Variants in ZNF717 observed in about 807,000 individuals in gnomAD.
The protein encoded by ZNF717 is zinc finger protein 717, also known as krueppel-like factor X17.
ZNF717 carries 9 observed loss-of-function variants against 13.8 expected under a neutral mutation model. That is an observed-to-expected ratio of 0.65 (90% CI 0.39 to 1.14). ZNF717 has a LOEUF of 1.14. Ranked by LOEUF, ZNF717 falls within the 50% of genes most tolerant of loss-of-function variation. The pLI, the probability that ZNF717 is intolerant of heterozygous loss-of-function variation, is 0.01. For synonymous variants in ZNF717, 327 were observed against 364.1 expected (o/e 0.90, Z 1.16); for missense variants, 1,040 against 1,080.7 (o/e 0.96, Z 0.53).
intron 6 of ZNF717, among the ~76,000 whole-genome samples, chr3:75,696,397 A>G (rs1241947275): frequency 6.6e-6 from 1 of 152,310 alleles, no homozygotes; most frequent in Non-Finnish European, 1.5e-5. Flanking sequence ...TATTACCCTG[A>G]TATCAAAACC....
chr3:75,727,741 C>T (rs1290553370), downstream of ZNF717, among the ~76,000 whole-genome samples: 1 of 152,188 alleles, frequency 6.6e-6, no homozygotes, highest in African/African-American at 2.4e-5. Context: ...ATCAGTGGTT[C>T]TAATTTTGCC....
At chr3:75,733,433 A>G (rs1190051684), downstream of ZNF717, among the ~76,000 whole-genome samples, 89 of 152,320 alleles carry the variant, frequency 5.8e-4, no homozygotes, top group East Asian at 0.013. Flanking sequence ...CAGCTCCAAA[A>G]GAAACCAAAG....
intron 4 of ZNF717, among the ~76,000 whole-genome samples, chr3:75,718,761 G>A (rs1416405759): frequency 1.3e-5 from 2 of 152,234 alleles, no homozygotes; most frequent in South Asian, 4.1e-4. Context: ...ATCGAATGCT[G>A]CAGCTGATCT....
At chr3:75,778,848 C>CA (rs1944564517) in intron 2 of ZNF717, among the ~76,000 whole-genome samples, 1 of 138,496 alleles carries the variant, frequency 7.2e-6, no homozygotes, top group Non-Finnish European at 1.5e-5. Context: ...GTGCTAAAAC[C>CA]GGAACCCAAA....
exon 5 of ZNF717, chr3:75,716,428 CA>C (rs1270593406): frequency 6.6e-6 from 1 of 152,096 alleles, no homozygotes; most frequent in Non-Finnish European, 1.5e-5. Flanking sequence ...CCAGAAAAGA[CA>C]AAAAGTCTTT....
chr3:75,731,183 C>A (rs1197694335), downstream of ZNF717, among the ~76,000 whole-genome samples: 24 of 152,280 alleles, frequency 1.6e-4, no homozygotes, highest in Admixed American at 1.0e-3. Flanking sequence ...TTCAGACCAA[C>A]CTGGCCCACA....
intron 6 of ZNF717, among the ~76,000 whole-genome samples, chr3:75,697,114 T>A (rs1443554378): frequency 2.0e-5 from 3 of 152,182 alleles, no homozygotes; most frequent in Non-Finnish European, 4.4e-5. Flanking sequence ...CTCTAAAATC[T>A]GGAAGATGAC....
downstream of ZNF717, among the ~76,000 whole-genome samples, chr3:75,706,340 C>T (rs796135603): frequency 6.6e-6 from 1 of 152,422 alleles, no homozygotes; most frequent in South Asian, 2.1e-4. Flanking sequence ...TGCAGGAAGA[C>T]ACCAAAAGCA....
At chr3:75,708,554 G>A (rs1224015178), downstream of ZNF717, among the ~76,000 whole-genome samples, 1 of 152,224 alleles carries the variant, frequency 6.6e-6, no homozygotes, top group East Asian at 1.9e-4. Context: ...CTAAAAAGCA[G>A]AGTGCCTCTC....
intron 2 of ZNF717, among the ~76,000 whole-genome samples, chr3:75,745,417 G>GGGAGGCCGAGGCGGGTGGATCA (rs1941050361): frequency 6.6e-6 from 1 of 151,886 alleles, no homozygotes; most frequent in African/African-American, 2.4e-5. Flanking sequence ...CGCATACATT[G>GGGAGGCCGAGGCGGGTGGATCA]TGAAAAGGTC....
chr3:75,755,764 G>A (rs1038734611), intron 2 of ZNF717, among the ~76,000 whole-genome samples: 1 of 152,238 alleles, frequency 6.6e-6, no homozygotes, highest in Admixed American at 6.5e-5. Flanking sequence ...GGAAAATGTA[G>A]TCATCTAAAA....
chr3:75,704,947 A>G (rs1391105232), downstream of ZNF717, among the ~76,000 whole-genome samples: 45 of 151,356 alleles, frequency 3.0e-4, no homozygotes, highest in African/African-American at 1.0e-3. Flanking sequence ...TATGACTAGA[A>G]GTTGAAATGT....
chr3:75,703,012 G>T (rs1937726688), intron 6 of ZNF717, among the ~76,000 whole-genome samples: 1 of 152,306 alleles, frequency 6.6e-6, no homozygotes, highest in Non-Finnish European at 1.5e-5. Flanking sequence ...TTACTCTGGA[G>T]ACAAACACTA....
At chr3:75,765,035 A>ATATATATATATATG (rs1559662069) in intron 2 of ZNF717, among the ~76,000 whole-genome samples, 5 of 81,770 alleles carry the variant, frequency 6.1e-5, no homozygotes, top group Non-Finnish European at 1.1e-4. Context: ...ATATATGTAT[A>ATATATATATATATG]TGTGTGTGTG....
rs749993327 is a variant in ZNF717, at chr3:75,738,499, GT to G, written c.1123del (p.Thr375LeufsTer204). ...AGTGAGAAGTGACTTACAGTGAAAA[GT>G]TTTTCCACATTCAATACATTTGTAG... ...KPYKCIECGK[T>X]FHCKSLLTLH... On this transcript the variant is annotated frameshift_variant, in exon 5 of 5. Coordinates refer to ENST00000652011, the MANE Select transcript of ZNF717 (RefSeq NM_001290208.3). LOFTEE classifies it low-confidence loss of function (END_TRUNC). 5.2e-6 allele frequency: 8 copies of G among 1,531,224 alleles called. No individual in the cohort carries two copies. The South Asian group carries it at 9.6e-5, about 18-fold the overall frequency. The allele number at this position is 1,531,224 out of a possible 1,614,324, so 94.9% of individuals were successfully genotyped here.
intron 2 of ZNF717, among the ~76,000 whole-genome samples, chr3:75,781,594 C>T (rs1219662369): frequency 6.6e-6 from 1 of 152,204 alleles, no homozygotes; most frequent in Non-Finnish European, 1.5e-5. Context: ...TAGACTCTCC[C>T]TTAGCTGAGA....
intron 2 of ZNF717, among the ~76,000 whole-genome samples, chr3:75,753,092 C>T (rs1575849966): frequency 2.0e-5 from 3 of 148,378 alleles, no homozygotes; most frequent in African/African-American, 5.0e-5. Context: ...GATTCCAGAA[C>T]ACTGCTGCTA....
rs192098901 is a variant in ZNF717, at chr3:75,779,608, A to T, written c.57+3698T>A. 9.7e-4 allele frequency among the ~76,000 whole-genome samples: 142 copies of T among 146,910 alleles called. No individual in the cohort carries two copies. In the South Asian group the frequency reaches 0.014, roughly 15 times the overall value. On this transcript the variant is annotated intron_variant, in intron 2 of 4. Coordinates refer to ENST00000652011, the MANE Select transcript of ZNF717 (RefSeq NM_001290208.3). Reference sequence around the variant, plus strand: ...ACCGCAACCCAAAACACTGGGAGAGATGTGCTAAACAGGAACCCAAAACAA... The same window carrying T: ...ACCGCAACCCAAAACACTGGGAGAGTTGTGCTAAACAGGAACCCAAAACAA...
At chr3:75,760,460 A>G (rs1330789898) in intron 2 of ZNF717, among the ~76,000 whole-genome samples, 2 of 152,270 alleles carry the variant, frequency 1.3e-5, no homozygotes, top group East Asian at 3.8e-4. Flanking sequence ...CAACGCAATT[A>G]TATTACAATA....
Sources: gnomAD v4.1 joint callset for allele counts (sites outside exome capture counted in the v4.1 genomes callset) on GRCh38, gnomAD v4.1.1 for gene constraint, MANE v1.5 for transcripts, NCBI Gene and HGNC (gene_info 2026-07-23, HGNC 2026-07-21) for gene names.